ITSN2: variants seen among roughly 807,000 people sequenced by gnomAD.
ITSN2 encodes the protein intersectin-2.
Under a neutral mutation model 243.7 loss-of-function variants are expected in ITSN2, and 156 were observed. The observed-to-expected ratio is 0.64, with a 90% CI of 0.56 to 0.73. The LOEUF is 0.73. ITSN2 is among the 30% of genes least tolerant of loss of function. The probability of loss-of-function intolerance (pLI) is 0.00; values close to 1 mark genes in which losing one functional copy is unlikely to be tolerated. For missense variants in ITSN2, 1,801 were observed against 1,996.1 expected (o/e 0.90, Z 1.86); for synonymous variants, 703 against 699.9 (o/e 1.00, Z -0.07).
At position 24,302,014 on chromosome 2, in the gene ITSN2, G is replaced by C. The variant is rs146120506; in HGVS notation, c.946C>G (p.Gln316Glu). ...MHLTDMAKAG[Q>E]PLPLTLPPEL... is the part of the protein sequence containing the mutation. ...GGAGGTAAAGTCAGTGGTAATGGCTGTCCAGCTTTGGCCATGTCAGTAAGG... is the reference window on the plus strand; with the variant it reads ...GGAGGTAAAGTCAGTGGTAATGGCTCTCCAGCTTTGGCCATGTCAGTAAGG... Residue 316 changes from glutamine (Q) to glutamate (E), a missense_variant, in exon 10 of 40, where the codon CAG (glutamine) becomes GAG (glutamate). Transcript: ENST00000355123. The C allele has an allele frequency of 1.7e-5, 27 of 1,612,992 alleles. No homozygotes were observed. Among genetic ancestry groups the C allele is most frequent in the Non-Finnish European group, 1.9e-5 (22 of 1,179,460 alleles).
chr2:24,312,969 T>A (rs1196640928), intron 4 of ITSN2, among the ~76,000 whole-genome samples: 1 of 152,084 alleles, frequency 6.6e-6, no homozygotes, highest in South Asian at 2.1e-4. Flanking sequence ...AATGTATATA[T>A]CTTTCCTTAG....
intron 1 of ITSN2, among the ~76,000 whole-genome samples, chr2:24,347,841 C>A (rs184790318): frequency 1.3e-5 from 2 of 151,800 alleles, no homozygotes; most frequent in Non-Finnish European, 2.9e-5. Context: ...GGGAGGCCAA[C>A]GCGGGAGAAT....
At chr2:24,242,579 C>T (rs1672852410) in intron 29 of ITSN2, among the ~76,000 whole-genome samples, 1 of 152,086 alleles carries the variant, frequency 6.6e-6, no homozygotes, top group South Asian at 2.1e-4. Flanking sequence ...GAGTTCATAG[C>T]TACCAACACA....
chr2:24,282,357 G>A (rs755705995), intron 17 of ITSN2, among the ~76,000 whole-genome samples: 1 of 152,194 alleles, frequency 6.6e-6, no homozygotes. Context: ...GTTGCGGCCC[G>A]ACTCCAGGGT....
At chr2:24,310,720 A>T in intron 5 of ITSN2, 28 bp from the exon 6 acceptor site, 1 of 1,590,380 alleles carries the variant, frequency 6.3e-7, no homozygotes, top group Non-Finnish European at 8.6e-7. Context: ...CATTTTTTCC[A>T]GTGCTAGAAA....
chr2:24,313,508 T>C lies in ITSN2; in HGVS notation c.140A>G (p.Asn47Ser). The change falls in exon 4 of 40, where the codon AAT becomes AGT. Residue 47 changes from asparagine (N) to serine (S), a missense_variant. By Grantham distance (46) the Asn-to-Ser change is conservative. Transcript: ENST00000355123. ...GGYITGDQARNFFLQSGLPAP... is the reference protein window; with the variant it reads ...GGYITGDQARSFFLQSGLPAP... The stretch of plus-strand genomic sequence containing the variant: ...CGGCAGACCTGATTGTAGGAAAAAA[T>C]TACGTGCTTGATCACCTGGAGGTAA... 2 of 1,613,172 alleles carry C rather than the reference T, an allele frequency of 1.2e-6. No homozygotes were observed. Among genetic ancestry groups the C allele is most frequent in the Non-Finnish European group, 1.7e-6 (2 of 1,179,506 alleles).
chr2:24,300,266 G>T, intron 11 of ITSN2, 95 bp from the exon 12 acceptor site: 1 of 1,179,002 alleles, frequency 8.5e-7, no homozygotes, highest in Non-Finnish European at 1.2e-6. Flanking sequence ...GATCATTTGA[G>T]TGCTATCAGT....
chr2:24,222,048 C>T lies in ITSN2; in HGVS notation c.3578-982G>A, dbSNP rs139360094. ...TGGGTGTATCACGAGGTCAGGAGATCGAGACCATCCTGGCTAACACGGTGA... is the reference window on the plus strand; with the variant it reads ...TGGGTGTATCACGAGGTCAGGAGATTGAGACCATCCTGGCTAACACGGTGA... On this transcript the variant is annotated intron_variant, in intron 29 of 39. Coordinates refer to ENST00000355123, the MANE Select transcript of ITSN2 (RefSeq NM_006277.3). Among the ~76,000 whole-genome samples, 164 of 152,090 alleles carry T rather than the reference C, an allele frequency of 1.1e-3. 1 individual carries two copies. Among genetic ancestry groups the T allele is most frequent in the Middle Eastern group, 3.4e-3 (1 of 292 alleles).
chr2:24,207,790 G>C (rs1669058216), intron 37 of ITSN2, among the ~76,000 whole-genome samples: 1 of 151,806 alleles, frequency 6.6e-6, no homozygotes, highest in African/African-American at 2.4e-5. Context: ...GATGGGGAGA[G>C]GGCAGACTTA....
intron 29 of ITSN2, among the ~76,000 whole-genome samples, chr2:24,234,288 AAAG>A (rs1671905419): frequency 6.6e-6 from 1 of 152,012 alleles, no homozygotes; most frequent in African/African-American, 2.4e-5. Flanking sequence ...GAAAAAAAAA[AAAG>A]AAATTGTCTT....
chr2:24,332,103 C>T (rs1461510036), intron 1 of ITSN2, among the ~76,000 whole-genome samples: 4 of 152,060 alleles, frequency 2.6e-5, no homozygotes, highest in African/African-American at 9.7e-5. Context: ...ATTAGCCAGG[C>T]GTGGGGCACA....
In ITSN2 at chr2:24,249,759, A is replaced by G. The variant is rs188288799; in HGVS notation, c.3121-877T>C. 1.1e-4 allele frequency among the ~76,000 whole-genome samples: 17 copies of G among 152,352 alleles called. No individual in the cohort carries two copies. In the East Asian group the frequency reaches 3.3e-3, roughly 29 times the overall value. ...CACCCAGGCTCTAAGTGTTACAGCT[A>G]AGAGTCAACCCAGGCAGTCTGATTC... On this transcript the variant is annotated intron_variant, in intron 25 of 39. Coordinates refer to ENST00000355123, the MANE Select transcript of ITSN2 (RefSeq NM_006277.3). The surrounding 1 kb of genome is among the most constrained non-coding windows in gnomAD (Gnocchi z 4.4).
intron 16 of ITSN2, 61 bp from the exon 17 acceptor site, chr2:24,284,904 T>A: frequency 1.0e-6 from 1 of 965,178 alleles, no homozygotes; most frequent in Non-Finnish European, 1.6e-6. Flanking sequence ...TTTTTTTTTT[T>A]TTTTTTTTTT....
intron 37 of ITSN2, among the ~76,000 whole-genome samples, chr2:24,207,148 T>C (rs544544716): frequency 2.0e-5 from 3 of 151,788 alleles, no homozygotes; most frequent in Non-Finnish European, 4.4e-5. Context: ...GGAAGAGGTA[T>C]AAGAGCAGCT....
At chr2:24,268,757 T>A (rs1489811677) in intron 20 of ITSN2, among the ~76,000 whole-genome samples, 92 of 142,922 alleles carry the variant, frequency 6.4e-4, no homozygotes, top group African/African-American at 2.1e-3. Context: ...CAGCCAACTT[T>A]AAAAAAAAAA....
chr2:24,253,790 T>G (rs1190991895), intron 24 of ITSN2, among the ~76,000 whole-genome samples: 1 of 152,226 alleles, frequency 6.6e-6, no homozygotes, highest in African/African-American at 2.4e-5. Flanking sequence ...ACCTCAACTA[T>G]TCAACTAACT....
chr2:24,334,776 A>G (rs1686164848), intron 1 of ITSN2: 2 of 1,508,450 alleles, frequency 1.3e-6, no homozygotes, highest in Non-Finnish European at 1.8e-6. Context: ...AAAAGATGCA[A>G]GCATTGGCCG....
intron 1 of ITSN2, among the ~76,000 whole-genome samples, chr2:24,341,015 A>G (rs1686999077): frequency 6.6e-6 from 1 of 152,232 alleles, no homozygotes. Context: ...GAGAACTTGA[A>G]CTTGAGCAAT....
chr2:24,244,487 A>G (rs1673107596), intron 29 of ITSN2, among the ~76,000 whole-genome samples: 1 of 152,136 alleles, frequency 6.6e-6, no homozygotes, highest in African/African-American at 2.4e-5. Flanking sequence ...TATTCAGAAA[A>G]CCATCACTTT....
Sources: gnomAD v4.1 joint callset for allele counts (sites outside exome capture counted in the v4.1 genomes callset) on GRCh38, gnomAD v4.1.1 for gene constraint, Gnocchi (gnomAD v3.1) non-coding constraint, MANE v1.5 for transcripts, NCBI Gene and HGNC (gene_info 2026-07-23, HGNC 2026-07-21) for gene names.